Variants in ATRN observed in about 807,000 individuals in gnomAD.
The protein encoded by ATRN is attractin-2.
Under a neutral mutation model 178.7 loss-of-function variants are expected in ATRN, and 54 were observed. The ratio of observed to expected loss-of-function variants is 0.30; its 90% confidence interval spans 0.24 to 0.38. The LOEUF (loss-of-function observed/expected upper bound fraction) is 0.38. Ranked by LOEUF, ATRN falls within the 10% of genes least tolerant of loss-of-function variation. The pLI is 1.00. For missense variants in ATRN, 1,443 were observed against 1,815.1 expected (o/e 0.79, Z 3.73); for synonymous variants, 636 against 663.0 (o/e 0.96, Z 0.63).
At chr20:3,595,303 C>T (rs554212864) in intron 20 of ATRN, among the ~76,000 whole-genome samples, 8 of 152,260 alleles carry the variant, frequency 5.3e-5, no homozygotes, top group Admixed American at 3.9e-4. Context: ...TGCATGTATC[C>T]GCATTTACTC....
At chr20:3,482,017 G>C (rs1397721976) in intron 1 of ATRN, among the ~76,000 whole-genome samples, 2 of 151,508 alleles carry the variant, frequency 1.3e-5, no homozygotes, top group African/African-American at 4.8e-5. Flanking sequence ...TAAATTCACA[G>C]ATCCTTTCAC....
chr20:3,596,391 A>G lies in ATRN; in HGVS notation c.3431A>G (p.Asn1144Ser), dbSNP rs753607253. ...GDECQLCEVE[N>S]RYQGNPLRGT... ...TTCCCCCCCAGATGTGAGGTAGAAA[A>G]TCGATACCAAGGAAACCCTCTCAGA... Residue 1144 changes from asparagine (N) to serine (S), a missense_variant, in exon 21 of 29, where the codon AAT (asparagine) becomes AGT (serine). Transcript: ENST00000262919. 6.2e-7 allele frequency: 1 copy of G among 1,613,720 alleles called. No individual in the cohort carries two copies. Among genetic ancestry groups the G allele is most frequent in the Non-Finnish European group, 8.5e-7 (1 of 1,179,652 alleles).
intron 24 of ATRN, among the ~76,000 whole-genome samples, chr20:3,611,088 GA>G (rs1389001534): frequency 6.6e-6 from 1 of 151,880 alleles, no homozygotes; most frequent in Non-Finnish European, 1.5e-5. Context: ...AAAACTTTTA[GA>G]AAAAAATATA....
intron 6 of ATRN, among the ~76,000 whole-genome samples, chr20:3,550,308 T>C (rs956116022): frequency 6.6e-6 from 1 of 152,220 alleles, no homozygotes; most frequent in African/African-American, 2.4e-5. Context: ...ATTTCTGGGC[T>C]CTCCATTCTG....
intron 1 of ATRN, among the ~76,000 whole-genome samples, chr20:3,486,964 A>G (rs1252935021): frequency 6.6e-6 from 1 of 152,076 alleles, no homozygotes; most frequent in Non-Finnish European, 1.5e-5. Flanking sequence ...CATGTTGCCT[A>G]TTCTTTTTAT....
At chr20:3,549,470 A>G in intron 6 of ATRN, 132 bp downstream of exon 6, 2 of 777,294 alleles carry the variant, frequency 2.6e-6, no homozygotes, top group East Asian at 6.4e-5. Context: ...TTTTGGTAGT[A>G]GTCTTTCAAA....
chr20:3,573,631 C>T (rs923699482), intron 12 of ATRN, among the ~76,000 whole-genome samples: 3 of 152,094 alleles, frequency 2.0e-5, no homozygotes, highest in Non-Finnish European at 4.4e-5. Flanking sequence ...CTAGAACCTC[C>T]CCCATGTTTT....
chr20:3,499,728 AC>A (rs1358809401), intron 1 of ATRN, among the ~76,000 whole-genome samples: 1 of 150,228 alleles, frequency 6.7e-6, no homozygotes, highest in Non-Finnish European at 1.5e-5. Context: ...AACCATAAAA[AC>A]CCTAGAAGAA....
rs939130601 is a variant in ATRN, at chr20:3,580,585, T to C, written c.2545-1550T>C. On this transcript the variant is annotated intron_variant, in intron 15 of 28. Coordinates refer to ENST00000262919, the MANE Select transcript of ATRN (RefSeq NM_139321.3). ...TAGAAAGCTGGAAGGAGGTGACCCC[T>C]GCAGGTGAGAAGGAGTGAATTAGGA... is the stretch of plus-strand genomic sequence containing the variant. Among the ~76,000 whole-genome samples the C allele has an allele frequency of 8.5e-5, 13 of 152,306 alleles. No homozygotes were observed. The East Asian group carries it at 2.3e-3, about 27-fold the overall frequency.
At chr20:3,494,640 G>A (rs1600028505) in intron 1 of ATRN, among the ~76,000 whole-genome samples, 1 of 152,180 alleles carries the variant, frequency 6.6e-6, no homozygotes, top group Admixed American at 6.5e-5. Flanking sequence ...AGATAGGGTA[G>A]ATGACAAAGT....
intron 24 of ATRN, among the ~76,000 whole-genome samples, chr20:3,617,635 A>G (rs2086861493): frequency 6.6e-6 from 1 of 152,160 alleles, no homozygotes; most frequent in Admixed American, 6.5e-5. Flanking sequence ...CCTGGGCAAT[A>G]TAGTGAGACC....
intron 1 of ATRN, among the ~76,000 whole-genome samples, chr20:3,517,194 A>T (rs2085217482): frequency 6.6e-6 from 1 of 152,224 alleles, no homozygotes; most frequent in South Asian, 2.1e-4. Flanking sequence ...CCCCATGAAA[A>T]AAGAGTTTTA....
intron 15 of ATRN, 76 bp downstream of exon 15, chr20:3,578,848 G>C: frequency 7.3e-7 from 1 of 1,369,768 alleles, no homozygotes; most frequent in South Asian, 1.4e-5. Context: ...GCTTGCATGT[G>C]GAAGGCTGTG....
Position 3,572,846 on chromosome 20 carries a change from G to C in ATRN, c.1987G>C (p.Gly663Arg). The C allele has an allele frequency of 6.2e-7, 1 of 1,613,698 alleles. No homozygotes were observed. Among genetic ancestry groups the C allele is most frequent in the Non-Finnish European group, 8.5e-7 (1 of 1,179,934 alleles). ...AGCCGCTTGTTTAGCAGCAGGACCTGGTATTCGGTGTGTGTGGAACACAGG... is the reference window on the plus strand; with the variant it reads ...AGCCGCTTGTTTAGCAGCAGGACCTCGTATTCGGTGTGTGTGGAACACAGG... ...SEAACLAAGP[G>R]IRCVWNTGSS... The change falls in exon 12 of 29, where the codon GGT becomes CGT. Residue 663 changes from glycine to arginine, a missense_variant. Gly to Arg is a moderately radical substitution (Grantham distance 125). This residue lies in a region of ATRN where 862 missense variants were observed against 972.1 expected (regional missense o/e 0.89). Coordinates refer to ENST00000262919, the MANE Select transcript of ATRN (RefSeq NM_139321.3).
intron 4 of ATRN, among the ~76,000 whole-genome samples, chr20:3,546,775 A>G (rs1022280012): frequency 1.3e-5 from 2 of 152,236 alleles, no homozygotes; most frequent in Admixed American, 6.5e-5. Flanking sequence ...AATTTTAAAT[A>G]TACCAATCTG....
intron 24 of ATRN, among the ~76,000 whole-genome samples, chr20:3,616,746 G>A (rs2086850844): frequency 6.6e-6 from 1 of 152,086 alleles, no homozygotes; most frequent in African/African-American, 2.4e-5. Context: ...TTGGGAGTGT[G>A]GATTGGAAGG....
intron 25 of ATRN, chr20:3,629,282 T>C (rs568807761): frequency 2.0e-6 from 2 of 985,418 alleles, no homozygotes; most frequent in East Asian, 1.1e-4. Context: ...AAAATAAAAT[T>C]CAGCGTCCTG....
intron 24 of ATRN, among the ~76,000 whole-genome samples, chr20:3,605,902 T>G (rs2086670624): frequency 6.6e-6 from 1 of 152,052 alleles, no homozygotes; most frequent in South Asian, 2.1e-4. Context: ...CCCCTGAACT[T>G]AAAAATTAAC....
chr20:3,545,638 T>G (rs1202215021), intron 3 of ATRN, 124 bp from the exon 4 acceptor site: 3 of 1,211,110 alleles, frequency 2.5e-6, no homozygotes, highest in Non-Finnish European at 2.3e-6. Flanking sequence ...TCACAGGAAT[T>G]TGCCTGTCTT....
Sources: allele counts gnomAD v4.1 joint callset (sites outside exome capture counted in the v4.1 genomes callset), GRCh38; gene constraint gnomAD v4.1.1; regional missense constraint gnomAD v4.1.1; transcripts MANE v1.5; gene names NCBI Gene and HGNC (gene_info 2026-07-23, HGNC 2026-07-21).